Variants in NKAIN2 observed in about 807,000 individuals in gnomAD.
NKAIN2 encodes sodium/potassium-transporting ATPase subunit beta-1-interacting protein 2.
A neutral mutation model predicts 32.6 loss-of-function variants in NKAIN2; 14 were observed. The ratio of observed to expected loss-of-function variants is 0.43; its 90% CI spans 0.28 to 0.67. The LOEUF (loss-of-function observed/expected upper bound fraction) is 0.67, where lower values mean the gene tolerates loss of function less well. NKAIN2 is among the 30% of genes least tolerant of loss of function. The pLI, the probability that NKAIN2 is intolerant of heterozygous loss-of-function variation, is 0.17. For missense variants in NKAIN2, 198 were observed against 258.3 expected, an observed-to-expected ratio of 0.77 and a Z score of 1.60; for synonymous variants, 80 against 87.2, an observed-to-expected ratio of 0.92 and a Z score of 0.46.
At chr6:124,050,468 T>C (rs779779242) in intron 1 of NKAIN2, among the ~76,000 whole-genome samples, 2 of 152,048 alleles carry the variant, frequency 1.3e-5, no homozygotes, top group Non-Finnish European at 2.9e-5. Flanking sequence ...CAAGTCTTAA[T>C]ATATTCACTA....
chr6:124,308,369 C>T (rs1239278640), intron 2 of NKAIN2, among the ~76,000 whole-genome samples: 3 of 152,026 alleles, frequency 2.0e-5, no homozygotes, highest in African/African-American at 4.8e-5. Context: ...TCAAACTCCA[C>T]GACTATTAGT....
intron 3 of NKAIN2, among the ~76,000 whole-genome samples, chr6:124,490,965 C>T (rs1191900158): frequency 7.9e-5 from 12 of 151,816 alleles, no homozygotes; most frequent in Admixed American, 7.9e-4. Context: ...TTAGAAGCAA[C>T]ATTATTTTCT....
At chr6:124,250,573 T>C (rs1793651504) in intron 1 of NKAIN2, among the ~76,000 whole-genome samples, 1 of 152,006 alleles carries the variant, frequency 6.6e-6, no homozygotes, top group South Asian at 2.1e-4. Flanking sequence ...ATAACAATTA[T>C]TAACCTAGAA....
chr6:123,962,466 T>C (rs148068885), intron 1 of NKAIN2, among the ~76,000 whole-genome samples: 2,099 of 152,296 alleles, frequency 0.014, 16 homozygotes, highest in African/African-American at 0.021. Context: ...ATAACCCTAT[T>C]CATATTTTCA....
chr6:123,855,599 C>A (rs1295323427), intron 1 of NKAIN2, among the ~76,000 whole-genome samples: 3 of 152,186 alleles, frequency 2.0e-5, no homozygotes, highest in Non-Finnish European at 4.4e-5. Context: ...TATAGACCAG[C>A]CACGGTTACT....
chr6:124,751,448 G>A, intron 4 of NKAIN2, among the ~76,000 whole-genome samples: 1 of 152,104 alleles, frequency 6.6e-6, no homozygotes, highest in Middle Eastern at 3.4e-3. Flanking sequence ...GGAATGCTAA[G>A]GTCCTCTTGG....
chr6:124,189,726 A>C lies in NKAIN2; in HGVS notation c.55-93279A>C, dbSNP rs148058109. ...AAAAAGCAAAACACTTGGTACAAAA[A>C]TGTCCTGGGACAAATTAATAATGGC... On this transcript the variant is annotated intron_variant, in intron 1 of 6. Coordinates refer to ENST00000368417, the MANE Select transcript of NKAIN2 (RefSeq NM_001040214.3). 7.5e-3 allele frequency among the ~76,000 whole-genome samples: 1,144 copies of C among 152,264 alleles called. 12 individuals carry two copies. Among genetic ancestry groups the C allele is most frequent in the South Asian group, 0.039 (188 of 4,832 alleles).
chr6:124,468,357 C>T (rs1776843390), intron 3 of NKAIN2, among the ~76,000 whole-genome samples: 2 of 152,152 alleles, frequency 1.3e-5, no homozygotes, highest in East Asian at 1.9e-4. Context: ...ATTATATACC[C>T]CATCCTTTCT....
chr6:124,014,748 T>C (rs1195622103), intron 1 of NKAIN2, among the ~76,000 whole-genome samples: 1 of 152,110 alleles, frequency 6.6e-6, no homozygotes, highest in East Asian at 1.9e-4. Flanking sequence ...CTGCCAAACA[T>C]TTTGGGATTT....
chr6:123,992,509 T>C (rs1328108992), intron 1 of NKAIN2, among the ~76,000 whole-genome samples: 2 of 152,208 alleles, frequency 1.3e-5, no homozygotes, highest in African/African-American at 2.4e-5. Flanking sequence ...AATTGAGTCC[T>C]CTTGAAGGCG....
At chr6:124,649,318 G>A (rs112071097) in intron 3 of NKAIN2, among the ~76,000 whole-genome samples, 4,236 of 152,060 alleles carry the variant, frequency 0.028, 179 homozygotes, top group African/African-American at 0.096. Context: ...GACAAGAAAG[G>A]ATAATAATGG....
chr6:124,608,113 T>G (rs889058263), intron 3 of NKAIN2, among the ~76,000 whole-genome samples: 1 of 152,190 alleles, frequency 6.6e-6, no homozygotes, highest in Non-Finnish European at 1.5e-5. Flanking sequence ...ACATATATCT[T>G]GCTCACAAAC....
At chr6:124,032,080 AG>A (rs1260843895) in intron 1 of NKAIN2, among the ~76,000 whole-genome samples, 1 of 152,052 alleles carries the variant, frequency 6.6e-6, no homozygotes, top group Non-Finnish European at 1.5e-5. Flanking sequence ...AATACTATGC[AG>A]CCATGAAAGG....
chr6:124,607,467 G>A (rs1468511884), intron 3 of NKAIN2, among the ~76,000 whole-genome samples: 2 of 152,040 alleles, frequency 1.3e-5, no homozygotes, highest in African/African-American at 2.4e-5. Context: ...TTGTTTGCCT[G>A]CTATTGGGGC....
chr6:124,639,101 A>G (rs1000112255), intron 3 of NKAIN2, among the ~76,000 whole-genome samples: 5 of 152,120 alleles, frequency 3.3e-5, no homozygotes, highest in African/African-American at 1.2e-4. Flanking sequence ...GAGGATTCAA[A>G]GAAAAAGGAA....
At chr6:124,433,978 C>T (rs552275195) in intron 3 of NKAIN2, among the ~76,000 whole-genome samples, 13 of 152,042 alleles carry the variant, frequency 8.6e-5, no homozygotes, top group South Asian at 4.2e-4. Flanking sequence ...TAGGATAAAG[C>T]GAAAAAAATC....
chr6:124,097,823 T>C (rs1260982440), intron 1 of NKAIN2, among the ~76,000 whole-genome samples: 4 of 152,232 alleles, frequency 2.6e-5, no homozygotes, highest in Admixed American at 2.6e-4. Flanking sequence ...AAGGGCTTAC[T>C]GTAGAGTGGA....
At chr6:124,440,710 G>T (rs1038350350) in intron 3 of NKAIN2, among the ~76,000 whole-genome samples, 5 of 151,996 alleles carry the variant, frequency 3.3e-5, no homozygotes, top group African/African-American at 1.2e-4. Context: ...TTCTCTCTTT[G>T]CTTCGTAGTC....
chr6:124,721,342 T>TG (rs1451422037), intron 4 of NKAIN2, among the ~76,000 whole-genome samples: 1 of 148,374 alleles, frequency 6.7e-6, no homozygotes, highest in African/African-American at 2.5e-5. Context: ...AGGCGGAGCT[T>TG]GCAGTGAGCG....
Sources: allele counts gnomAD v4.1 joint callset (sites outside exome capture counted in the v4.1 genomes callset), GRCh38; gene constraint gnomAD v4.1.1; transcripts MANE v1.5; gene names NCBI Gene and HGNC (gene_info 2026-07-23, HGNC 2026-07-21).